The following DLG2 variants were observed in gnomAD, a reference collection of about 807,000 sequenced individuals.
DLG2 encodes the protein discs large MAGUK scaffold protein 2.
DLG2 carries 45 observed loss-of-function variants against 132.5 expected under a neutral mutation model. That is an observed-to-expected ratio of 0.34 (90% CI 0.27 to 0.44). The LOEUF (loss-of-function observed/expected upper bound fraction) is 0.44, where lower values mean the gene tolerates loss of function less well. Ranked by LOEUF, DLG2 falls within the 20% of genes least tolerant of loss-of-function variation. The pLI, the probability that DLG2 is intolerant of heterozygous loss-of-function variation, is 1.00. For synonymous variants in DLG2, 424 were observed against 419.6 expected, an observed-to-expected ratio of 1.01 and a Z score of -0.13; for missense variants, 1,045 against 1,196.9, an observed-to-expected ratio of 0.87 and a Z score of 1.87.
At chr11:85,052,507 C>T (rs937309847) in intron 6 of DLG2, among the ~76,000 whole-genome samples, 4 of 152,092 alleles carry the variant, frequency 2.6e-5, no homozygotes, top group African/African-American at 9.7e-5. Flanking sequence ...ATTTTAACAA[C>T]ATAAGCAAAA....
chr11:84,181,926 T>A (rs1232061459), intron 8 of DLG2, among the ~76,000 whole-genome samples: 1 of 152,178 alleles, frequency 6.6e-6, no homozygotes, highest in Admixed American at 6.6e-5. Flanking sequence ...TCCACTATTA[T>A]AGTTGGAGAC....
At chr11:84,170,913 C>A (rs1436135597) in intron 8 of DLG2, among the ~76,000 whole-genome samples, 3 of 152,118 alleles carry the variant, frequency 2.0e-5, no homozygotes, top group Admixed American at 1.3e-4. Context: ...TTCTAAAGAT[C>A]CTAACTGGCA....
rs76433866 is a variant in DLG2, at chr11:85,008,088, C to T, written c.357+103573G>A. On this transcript the variant is annotated intron_variant, in intron 6 of 27. Coordinates refer to ENST00000376104, the MANE Select transcript of DLG2 (RefSeq NM_001142699.3). ...GAATAGTCACACTAAGCAGAGAACA[C>T]GAAAACTATTATATAAATAGCATTA... Among the ~76,000 whole-genome samples the T allele has an allele frequency of 2.0e-3, 300 of 152,142 alleles. 3 individuals are homozygous for T. The highest frequency in any genetic ancestry group is 6.4e-3 in the African/African-American group (264 of 41,516).
At chr11:84,684,121 C>T (rs1320340935) in intron 6 of DLG2, among the ~76,000 whole-genome samples, 2 of 152,180 alleles carry the variant, frequency 1.3e-5, no homozygotes, top group Non-Finnish European at 2.9e-5. Context: ...AATCAGGCAT[C>T]AGGCACAGGA....
At chr11:85,047,539 T>C (rs1340944855) in intron 6 of DLG2, among the ~76,000 whole-genome samples, 4 of 151,864 alleles carry the variant, frequency 2.6e-5, no homozygotes, top group Non-Finnish European at 4.4e-5. Flanking sequence ...ATGTGGGCCA[T>C]TTCTTAGCTG....
intron 2 of DLG2, among the ~76,000 whole-genome samples, chr11:85,615,874 G>A (rs537321079): frequency 1.6e-4 from 25 of 152,108 alleles, no homozygotes; most frequent in African/African-American, 4.6e-4. Context: ...ACTGATGGAA[G>A]GGGACTCTGA....
At chr11:85,246,609 G>A (rs2076147007) in intron 4 of DLG2, among the ~76,000 whole-genome samples, 2 of 134,460 alleles carry the variant, frequency 1.5e-5, no homozygotes, top group East Asian at 2.3e-4. Context: ...GATAAAATAA[G>A]GAATACATGG....
At chr11:85,447,680 C>A (rs550831073) in intron 3 of DLG2, among the ~76,000 whole-genome samples, 3 of 152,082 alleles carry the variant, frequency 2.0e-5, no homozygotes, top group Non-Finnish European at 4.4e-5. Flanking sequence ...ATACATATTT[C>A]ATGATTTATT....
chr11:84,793,444 A>T (rs2074148104), intron 6 of DLG2, among the ~76,000 whole-genome samples: 1 of 152,142 alleles, frequency 6.6e-6, no homozygotes, highest in South Asian at 2.1e-4. Context: ...GTTAAGTCTG[A>T]TGTCTCTTTG....
At chr11:85,282,918 G>A (rs952404440) in intron 4 of DLG2, among the ~76,000 whole-genome samples, 4 of 151,888 alleles carry the variant, frequency 2.6e-5, no homozygotes, top group Admixed American at 6.6e-5. Flanking sequence ...AAAAAGGAAC[G>A]AGATCATGCC....
intron 3 of DLG2, among the ~76,000 whole-genome samples, chr11:85,325,211 G>A (rs2081373099): frequency 6.6e-6 from 1 of 151,414 alleles, no homozygotes. Flanking sequence ...GCCCGCCATT[G>A]CCCAGGCTTG....
intron 21 of DLG2, among the ~76,000 whole-genome samples, chr11:83,527,263 C>T (rs1018781770): frequency 1.3e-5 from 2 of 152,100 alleles, no homozygotes; most frequent in African/African-American, 4.8e-5. Flanking sequence ...TTAAATTGCA[C>T]AAGTGTTACA....
At chr11:83,780,834 A>T (rs1336146154) in intron 18 of DLG2, among the ~76,000 whole-genome samples, 3 of 152,178 alleles carry the variant, frequency 2.0e-5, no homozygotes, top group African/African-American at 7.2e-5. Context: ...CCAGAAATCA[A>T]ATCTAGTGAT....
In DLG2 at chr11:84,191,006, T is replaced by A. The variant is rs544206237; in HGVS notation, c.574-27495A>T. On this transcript the variant is annotated intron_variant, in intron 8 of 27. Coordinates refer to ENST00000376104, the MANE Select transcript of DLG2 (RefSeq NM_001142699.3). ...CTTTGATATTACTTTAAGGGAAGAA[T>A]AAAGAACATCAGTTCAAAAAAATGG... Among the ~76,000 whole-genome samples the A allele has an allele frequency of 2.6e-5, 4 of 152,310 alleles. No individual in the cohort carries two copies. The South Asian group carries it at 6.2e-4, about 24-fold the overall frequency.
intron 3 of DLG2, chr11:85,525,039 A>T (rs968306916): frequency 6.6e-6 from 1 of 152,132 alleles, no homozygotes; most frequent in African/African-American, 2.4e-5. Flanking sequence ...TTTCCTATTA[A>T]GAAAAAAACA....
At chr11:85,167,041 G>C (rs1274298711) in intron 4 of DLG2, among the ~76,000 whole-genome samples, 1 of 151,990 alleles carries the variant, frequency 6.6e-6, no homozygotes, top group East Asian at 1.9e-4. Flanking sequence ...CTCAAACCTA[G>C]AATTCTTTTC....
chr11:84,112,705 C>G (rs1448260638), intron 9 of DLG2, among the ~76,000 whole-genome samples: 2 of 152,112 alleles, frequency 1.3e-5, no homozygotes, highest in Middle Eastern at 3.2e-3. Context: ...GTACTTCTGA[C>G]TTAACAAGAC....
At chr11:84,238,061 A>G (rs866144779) in intron 8 of DLG2, among the ~76,000 whole-genome samples, 187 of 150,632 alleles carry the variant, frequency 1.2e-3, no homozygotes, top group African/African-American at 3.5e-3. Flanking sequence ...AAAAAAAAAA[A>G]AAAGAAAGAA....
intron 6 of DLG2, chr11:84,763,411 A>G (rs2067930146): frequency 6.6e-6 from 1 of 151,858 alleles, no homozygotes; most frequent in South Asian, 2.1e-4. Context: ...GCTTCCATTT[A>G]CCTATCCATT....
Sources: gnomAD v4.1 joint callset for allele counts (sites outside exome capture counted in the v4.1 genomes callset) on GRCh38, gnomAD v4.1.1 for gene constraint, MANE v1.5 for transcripts, NCBI Gene and HGNC (gene_info 2026-07-23, HGNC 2026-07-21) for gene names.